The following TMTC2 variants were observed in gnomAD, a reference collection of about 807,000 sequenced individuals.
TMTC2 encodes the protein transmembrane O-mannosyltransferase targeting cadherins 2.
TMTC2 carries 43 observed loss-of-function variants against 82.4 expected under a neutral mutation model. The ratio of observed to expected loss-of-function variants is 0.52; its 90% CI spans 0.41 to 0.67. The LOEUF (loss-of-function observed/expected upper bound fraction) is 0.67, where lower values mean the gene tolerates loss of function less well. TMTC2 is among the 30% of genes least tolerant of loss of function. TMTC2 has a pLI of 0.00. For missense variants in TMTC2, 919 were observed against 1,012.4 expected, an observed-to-expected ratio of 0.91 and a Z score of 1.25; for synonymous variants, 408 against 381.9, an observed-to-expected ratio of 1.07 and a Z score of -0.80.
At chr12:82,692,469 C>T (rs893179419) in intron 1 of TMTC2, among the ~76,000 whole-genome samples, 1 of 152,210 alleles carries the variant, frequency 6.6e-6, no homozygotes, top group South Asian at 2.1e-4. Context: ...TCTGGTGGTA[C>T]AACTGTCTTT....
intron 1 of TMTC2, among the ~76,000 whole-genome samples, chr12:82,834,062 A>G (rs1238162925): frequency 1.3e-5 from 2 of 152,234 alleles, no homozygotes; most frequent in African/African-American, 4.8e-5. Flanking sequence ...TAACCATTTT[A>G]ATATTTAAGA....
intron 1 of TMTC2, among the ~76,000 whole-genome samples, chr12:82,847,371 G>A (rs928260150): frequency 6.6e-6 from 1 of 151,998 alleles, no homozygotes; most frequent in African/African-American, 2.4e-5. Flanking sequence ...TTTCCAAAAC[G>A]GTAAATGCAG....
chr12:82,874,016 T>G (rs1028237364), intron 2 of TMTC2, among the ~76,000 whole-genome samples: 4 of 152,230 alleles, frequency 2.6e-5, no homozygotes, highest in East Asian at 1.9e-4. Flanking sequence ...CTATAAAAAT[T>G]TAATATGCTA....
At chr12:82,965,791 C>T (rs976092125) in intron 6 of TMTC2, 47 bp downstream of exon 6, 1 of 1,606,722 alleles carries the variant, frequency 6.2e-7, no homozygotes, top group African/African-American at 1.3e-5. Flanking sequence ...TTGTTCTGAT[C>T]CAGTCTCAGT....
intron 1 of TMTC2, among the ~76,000 whole-genome samples, chr12:82,845,982 A>G (rs1284589569): frequency 2.0e-5 from 3 of 151,386 alleles, no homozygotes; most frequent in African/African-American, 4.9e-5. Flanking sequence ...AAATTGTGAA[A>G]ATGACAGCAT....
At chr12:83,044,558 T>G (rs1882020716) in intron 9 of TMTC2, among the ~76,000 whole-genome samples, 1 of 152,146 alleles carries the variant, frequency 6.6e-6, no homozygotes, top group Admixed American at 6.5e-5. Context: ...ATGGGCACTA[T>G]TTAGGAGGTT....
chr12:83,036,036 C>T (rs1009378723), intron 9 of TMTC2, among the ~76,000 whole-genome samples: 6 of 152,214 alleles, frequency 3.9e-5, no homozygotes, highest in African/African-American at 1.4e-4. Flanking sequence ...ATATACAACT[C>T]GAACAGTTTC....
intron 3 of TMTC2, among the ~76,000 whole-genome samples, chr12:82,913,055 A>T (rs549574384): frequency 6.6e-6 from 1 of 152,208 alleles, no homozygotes; most frequent in South Asian, 2.1e-4. Context: ...GTATATTACG[A>T]TTACTGTACA....
chr12:82,994,309 G>A (rs1470649863), intron 8 of TMTC2, among the ~76,000 whole-genome samples: 1 of 151,994 alleles, frequency 6.6e-6, no homozygotes. Flanking sequence ...GCCCGCTACC[G>A]GGCCCGGATA....
At chr12:83,054,481 G>A (rs1299529101) in intron 10 of TMTC2, among the ~76,000 whole-genome samples, 2 of 151,726 alleles carry the variant, frequency 1.3e-5, no homozygotes, top group African/African-American at 4.8e-5. Flanking sequence ...TAAAAGATTG[G>A]AGGATAGATT....
chr12:82,852,370 G>C (rs1020703604), intron 1 of TMTC2, among the ~76,000 whole-genome samples: 1 of 152,022 alleles, frequency 6.6e-6, no homozygotes, highest in African/African-American at 2.4e-5. Flanking sequence ...GCCTCCCAAA[G>C]TGCTGTGATT....
At chr12:82,928,581 G>A (rs76794325) in intron 3 of TMTC2, among the ~76,000 whole-genome samples, 1 of 152,274 alleles carries the variant, frequency 6.6e-6, no homozygotes, top group African/African-American at 2.4e-5. Flanking sequence ...ATGTTGGTTT[G>A]CAGTGAAAGA....
chr12:82,707,062 A>G (rs1489789558), intron 1 of TMTC2, among the ~76,000 whole-genome samples: 1 of 152,226 alleles, frequency 6.6e-6, no homozygotes. Context: ...GATTGTCTCA[A>G]TATGTTTGAG....
chr12:83,088,029 G>T (rs1186252443), intron 11 of TMTC2, among the ~76,000 whole-genome samples: 1 of 152,154 alleles, frequency 6.6e-6, no homozygotes, highest in African/African-American at 2.4e-5. Flanking sequence ...AATTTGTTTA[G>T]TACAGCCATA....
intron 1 of TMTC2, among the ~76,000 whole-genome samples, chr12:82,828,313 A>C (rs1869544239): frequency 6.7e-6 from 1 of 148,574 alleles, no homozygotes; most frequent in Non-Finnish European, 1.5e-5. Flanking sequence ...TCCTGGGTTC[A>C]AGCAATTATC....
chr12:82,803,049 G>A (rs1171529434), intron 1 of TMTC2, among the ~76,000 whole-genome samples: 1 of 152,076 alleles, frequency 6.6e-6, no homozygotes, highest in African/African-American at 2.4e-5. Flanking sequence ...ATATGAGAAG[G>A]AATCAAAGAT....
chr12:82,778,453 T>C (rs1316458718), intron 1 of TMTC2, among the ~76,000 whole-genome samples: 2 of 152,208 alleles, frequency 1.3e-5, no homozygotes, highest in East Asian at 1.9e-4. Flanking sequence ...CAGTGGCTCA[T>C]GCCTGTAATC....
chr12:82,755,647 A>G (rs941550345), intron 1 of TMTC2, among the ~76,000 whole-genome samples: 2 of 152,194 alleles, frequency 1.3e-5, no homozygotes, highest in Non-Finnish European at 2.9e-5. Context: ...AATCCTGAGG[A>G]CCTAGTCTGA....
At chr12:82,924,854 C>T (rs1231891209) in intron 3 of TMTC2, among the ~76,000 whole-genome samples, 2 of 152,102 alleles carry the variant, frequency 1.3e-5, no homozygotes, top group African/African-American at 2.4e-5. Flanking sequence ...ATCACAAAAT[C>T]CCTCACTGAA....
Sources: allele counts gnomAD v4.1 joint callset (sites outside exome capture counted in the v4.1 genomes callset), GRCh38; gene constraint gnomAD v4.1.1; transcripts MANE v1.5; gene names NCBI Gene and HGNC (gene_info 2026-07-23, HGNC 2026-07-21).